CRACR2B: variants seen among roughly 807,000 people sequenced by gnomAD.
CRACR2B encodes calcium release activated channel regulator 2B.
Under a neutral mutation model 46.0 loss-of-function variants are expected in CRACR2B, and 50 were observed. The observed-to-expected ratio is 1.09, with a 90% CI of 0.87 to 1.38. The LOEUF is 1.38. Ranked by LOEUF, CRACR2B falls within the 40% of genes most tolerant of loss-of-function variation. The pLI, the probability that CRACR2B is intolerant of heterozygous loss-of-function variation, is 0.00. For synonymous variants in CRACR2B, 277 were observed against 239.6 expected (o/e 1.16, Z -1.44); for missense variants, 667 against 535.0 (o/e 1.25, Z -2.43).
rs933030931 is a variant in CRACR2B at position 831,836 on chromosome 11, C to T, written c.*127C>T. 1.8e-5 allele frequency: 22 copies of T among 1,196,438 alleles called. No homozygotes were observed. Among genetic ancestry groups the T allele is most frequent in the Non-Finnish European group, 2.4e-5 (22 of 899,260 alleles). 74.1% of individuals were successfully genotyped at this position (1,196,438 alleles called of 1,614,324 possible). ...GGCCCCAGGCTCGCCTGACTGAAGA[C>T]ATGAAGGACCTAGCCTAGGAGTGGT... On this transcript the variant is annotated 3_prime_UTR_variant, in exon 9 of 9. Coordinates refer to ENST00000525077, the MANE Select transcript of CRACR2B (RefSeq NM_001286606.2).
intron 3 of CRACR2B, 156 bp downstream of exon 3, chr11:829,696 G>A: frequency 9.5e-7 from 1 of 1,056,614 alleles, no homozygotes; most frequent in African/African-American, 1.6e-5. Flanking sequence ...GAGGGACCCG[G>A]CATGATTTCC....
chr11:829,472 G>A lies in CRACR2B; in HGVS notation c.390G>A (p.Glu130=), dbSNP rs748588923. ...AGGGCACGGCGGGCTCTCTGGATGA[G>A]GAGGAGGAAGAGGAGGAGCGATTCC... is the stretch of plus-strand genomic sequence containing the variant. ...DVQGTAGSLD[E]EEEEEERFHT... Residue 130 remains glutamate (E), a synonymous_variant, in exon 3 of 9, where the codon GAG becomes GAA. Coordinates refer to ENST00000525077, the MANE Select transcript of CRACR2B (RefSeq NM_001286606.2). The A allele has an allele frequency of 6.2e-7, 1 of 1,608,994 alleles. No individual in the cohort carries two copies. The highest frequency in any genetic ancestry group is 1.7e-5 in the Admixed American group (1 of 59,206).
In CRACR2B at chr11:831,720, G is replaced by C. The variant is rs1337564115; in HGVS notation, c.*11G>C. The C allele has an allele frequency of 1.3e-6, 2 of 1,502,052 alleles. No individual in the cohort carries two copies. The highest frequency in any genetic ancestry group is 1.8e-6 in the Non-Finnish European group (2 of 1,135,980). The allele number at this position is 1,502,052 out of a possible 1,614,324, so 93.0% of individuals were successfully genotyped here. The stretch of plus-strand genomic sequence containing the variant: ...CCCAGTGCCCGGTGACCAGCCCCGA[G>C]TGACTCACGGACCATGAGCTAGAAG... On this transcript the variant is annotated 3_prime_UTR_variant, in exon 9 of 9. Transcript: ENST00000525077.
rs1284434343 is a variant in CRACR2B at position 828,035 on chromosome 11, TG to T, written c.-569del. Among the ~76,000 whole-genome samples, 4 of 151,876 alleles carry T rather than the reference TG, an allele frequency of 2.6e-5. No homozygotes were observed. The highest frequency in any genetic ancestry group is 4.4e-5 in the Non-Finnish European group (3 of 67,922). On this transcript the variant is annotated 5_prime_UTR_variant, in exon 1 of 9. Coordinates refer to ENST00000525077, the MANE Select transcript of CRACR2B (RefSeq NM_001286606.2). ...CCCCTGCACTCTGTGGGCTCAGTTG[TG>T]GGGAGGGAGGGGCCGGTGGGCAGGA...
At chr11:829,127 T>A in intron 2 of CRACR2B, 164 bp downstream of exon 2, 1 of 1,241,286 alleles carries the variant, frequency 8.1e-7, no homozygotes, top group Non-Finnish European at 1.1e-6. Flanking sequence ...CTAGCTGCGG[T>A]GGAGTGTGTG....
chr11:829,911 G>A (rs144158014), intron 3 of CRACR2B, 75 bp from the exon 4 acceptor site: 12 of 1,509,890 alleles, frequency 7.9e-6, no homozygotes, highest in Admixed American at 4.2e-5. Flanking sequence ...AGTCTCCTAA[G>A]GGTTTGCTGC....
upstream of CRACR2B, chr11:827,608 G>A: frequency 1.6e-5 from 15 of 937,502 alleles, no homozygotes; most frequent in Non-Finnish European, 1.8e-5. Flanking sequence ...AAGCCGGAGG[G>A]CGGGCGAGAC....
chr11:828,732 A>C lies in CRACR2B; in HGVS notation c.125A>C (p.Asp42Ala). ...GCTGAGGAGCTGTTTCTGCTGTGTG[A>C]CAAGGAGGCTAAGGGCTTCATCACC... ...EQAEELFLLC[D>A]KEAKGFITKH... The change falls in exon 1 of 9, where the codon GAC (aspartate) becomes GCC (alanine). Residue 42 changes from aspartate (D) to alanine (A), a missense_variant. Transcript: ENST00000525077. The C allele has an allele frequency of 6.2e-7, 1 of 1,613,574 alleles. No individual in the cohort carries two copies. The highest frequency in any genetic ancestry group is 8.5e-7 in the Non-Finnish European group (1 of 1,179,908).
intron 8 of CRACR2B, 82 bp from the exon 9 acceptor site, chr11:831,453 C>T (rs1043336937): frequency 2.0e-6 from 3 of 1,493,456 alleles, no homozygotes; most frequent in East Asian, 2.4e-5. Flanking sequence ...CACCTCTCTT[C>T]GCTCTGAGGG....
At chr11:831,160 C>G (rs1211853384) in intron 7 of CRACR2B, 64 bp from the exon 8 acceptor site, 1 of 1,608,868 alleles carries the variant, frequency 6.2e-7, no homozygotes, top group Non-Finnish European at 8.5e-7. Flanking sequence ...GGAGGATCTT[C>G]TAGGGGGTCC....
intron 3 of CRACR2B, 178 bp from the exon 4 acceptor site, chr11:829,808 T>C: frequency 7.8e-7 from 1 of 1,277,158 alleles, no homozygotes; most frequent in Non-Finnish European, 1.0e-6. Flanking sequence ...TACACACACC[T>C]CACCGACCAC....
Position 830,101 on chromosome 11 carries a change from G to C in CRACR2B, c.574G>C (p.Glu192Gln). The change falls in exon 4 of 9, where the codon GAG becomes CAG. Residue 192 changes from glutamate (E) to glutamine (Q), a missense_variant. Glu to Gln is a conservative substitution (Grantham distance 29, BLOSUM62 2). Coordinates refer to ENST00000525077, the MANE Select transcript of CRACR2B (RefSeq NM_001286606.2). ...GGCCTGCCTGGAGGAGGCGGCCCGGGAGCGCGACGGCCTGGAGCAGGCGCT... is the reference window on the plus strand; with the variant it reads ...GGCCTGCCTGGAGGAGGCGGCCCGGCAGCGCGACGGCCTGGAGCAGGCGCT... The part of the protein sequence containing the change: ...ASACLEEAAR[E>Q]RDGLEQALRR... 6.5e-7 allele frequency: 1 copy of C among 1,540,534 alleles called. No homozygotes were observed. Among genetic ancestry groups the C allele is most frequent in the African/African-American group, 1.4e-5 (1 of 73,430 alleles).
At chr11:830,536 C>T (rs1846320514) in intron 5 of CRACR2B, 85 bp from the exon 6 acceptor site, 1 of 1,544,846 alleles carries the variant, frequency 6.5e-7, no homozygotes, top group Non-Finnish European at 8.7e-7. Flanking sequence ...CCGCCCGGGC[C>T]CACTCCCAGC....
rs907667140 is a variant in CRACR2B at position 830,237 on chromosome 11, C to G, written c.606-13C>G. 4 of 1,501,584 alleles carry G rather than the reference C, an allele frequency of 2.7e-6. No individual in the cohort carries two copies. The African/African-American group carries it at 5.5e-5, about 21-fold the overall frequency. The allele number at this position is 1,501,584 out of a possible 1,614,324, so 93.0% of individuals were successfully genotyped here. ...TGGCAAGTTCTCATCCGGGGTCGCC[C>G]GGTCCCCCGAAGGCGCGAGAGCGAG... On this transcript the variant is annotated splice_polypyrimidine_tract_variant and intron_variant, in intron 4 of 8. Coordinates refer to ENST00000525077, the MANE Select transcript of CRACR2B (RefSeq NM_001286606.2).
upstream of CRACR2B, among the ~76,000 whole-genome samples, chr11:827,073 C>T (rs1483627518): frequency 6.6e-6 from 1 of 152,182 alleles, no homozygotes; most frequent in African/African-American, 2.4e-5. Flanking sequence ...CTTCACTGCT[C>T]GCTCGAGCCT....
Position 828,971 on chromosome 11 carries a change from T to C in CRACR2B, c.277+8T>C, listed in dbSNP as rs367958561. 7 of 1,601,838 alleles carry C rather than the reference T, an allele frequency of 4.4e-6. No homozygotes were observed. Among genetic ancestry groups the C allele is most frequent in the Non-Finnish European group, 5.9e-6 (7 of 1,179,754 alleles). On this transcript the variant is annotated splice_region_variant and intron_variant, in intron 2 of 8. Transcript: ENST00000525077. ...AGTTCTGCCTGGGCCTGGGTGAGCC[T>C]GTGGCCTGCCTATCCCCCACTGCCC...
chr11:827,142 A>C (rs1294179072), upstream of CRACR2B: 1 of 151,552 alleles, frequency 6.6e-6, no homozygotes, highest in East Asian at 1.9e-4. Flanking sequence ...AGCGGCGCAG[A>C]GTGGCTCCTC....
rs769304481 is a variant in CRACR2B, at chr11:829,472, GGAGGAGGAA to G, written c.399_407del (p.Glu134_Glu136del). Reference sequence around the variant, plus strand: ...AGGGCACGGCGGGCTCTCTGGATGAGGAGGAGGAAGAGGAGGAGCGATTCCACACTGTGC... The same window carrying G: ...AGGGCACGGCGGGCTCTCTGGATGAGGAGGAGGAGCGATTCCACACTGTGC... On this transcript the variant is annotated inframe_deletion, in exon 3 of 9. Coordinates refer to ENST00000525077, the MANE Select transcript of CRACR2B (RefSeq NM_001286606.2). The G allele has an allele frequency of 1.6e-5, 26 of 1,608,876 alleles. No homozygotes were observed. The East Asian group carries it at 4.9e-4, about 30-fold the overall frequency.
chr11:827,912 G>A (rs1306390087), upstream of CRACR2B, among the ~76,000 whole-genome samples: 2 of 152,246 alleles, frequency 1.3e-5, no homozygotes, highest in Non-Finnish European at 2.9e-5. Context: ...AAACGGGGAA[G>A]GGCCTCAGTG....
Sources: gnomAD v4.1 joint callset for allele counts (sites outside exome capture counted in the v4.1 genomes callset) on GRCh38, gnomAD v4.1.1 for gene constraint, MANE v1.5 for transcripts, NCBI Gene and HGNC (gene_info 2026-07-23, HGNC 2026-07-21) for gene names.